Variants in CHRM3 observed in about 807,000 individuals in gnomAD.
CHRM3 encodes the protein muscarinic acetylcholine receptor M3.
Under a neutral mutation model 41.8 loss-of-function variants are expected in CHRM3, and 11 were observed. That is an observed-to-expected ratio of 0.26 (90% CI 0.17 to 0.44). CHRM3 has a LOEUF of 0.44. Ranked by LOEUF, CHRM3 falls within the 20% of genes least tolerant of loss-of-function variation. The probability of loss-of-function intolerance (pLI) is 1.00; values close to 1 mark genes in which losing one functional copy is unlikely to be tolerated. For missense variants in CHRM3, 571 were observed against 745.4 expected (o/e 0.77, Z 2.72); for synonymous variants, 297 against 301.4 (o/e 0.99, Z 0.15).
At chr1:239,424,844 G>T (rs1246479024) in intron 1 of CHRM3, among the ~76,000 whole-genome samples, 2 of 152,314 alleles carry the variant, frequency 1.3e-5, no homozygotes, top group East Asian at 1.9e-4. Flanking sequence ...ACATCCAGGA[G>T]TGCTGACTTT....
At chr1:239,564,063 A>G (rs1296589435) in intron 3 of CHRM3, among the ~76,000 whole-genome samples, 1 of 152,214 alleles carries the variant, frequency 6.6e-6, no homozygotes, top group Non-Finnish European at 1.5e-5. Context: ...CAATGTGTGT[A>G]TTTCTAACTT....
intron 1 of CHRM3, among the ~76,000 whole-genome samples, chr1:239,455,666 G>T (rs1013249469): frequency 2.6e-5 from 4 of 152,112 alleles, no homozygotes; most frequent in Non-Finnish European, 5.9e-5. Flanking sequence ...TTTTTGTGCA[G>T]TTGTATCATG....
rs115686732 is a variant in CHRM3 at position 239,466,391 on chromosome 1, A to T, written c.-520-26318A>T. 3.6e-3 allele frequency among the ~76,000 whole-genome samples: 549 copies of T among 152,266 alleles called. 2 individuals carry two copies. Among genetic ancestry groups the T allele is most frequent in the Middle Eastern group, 0.017 (5 of 294 alleles). ...TCTTAACTTACTGTAAGAATACAGTATATAGTACATATAACAAACAAAATA... is the reference window on the plus strand; with the variant it reads ...TCTTAACTTACTGTAAGAATACAGTTTATAGTACATATAACAAACAAAATA... On this transcript the variant is annotated intron_variant, in intron 1 of 6. Coordinates refer to ENST00000676153, the MANE Select transcript of CHRM3 (RefSeq NM_001375978.1).
At chr1:239,433,326 A>G (rs1662975008) in intron 1 of CHRM3, among the ~76,000 whole-genome samples, 1 of 152,036 alleles carries the variant, frequency 6.6e-6, no homozygotes, top group African/African-American at 2.4e-5. Context: ...ATGGAGCCTA[A>G]CTCCCCATAT....
intron 1 of CHRM3, among the ~76,000 whole-genome samples, chr1:239,393,831 A>T (rs960910292): frequency 1.3e-5 from 2 of 152,212 alleles, no homozygotes; most frequent in African/African-American, 4.8e-5. Flanking sequence ...ATTCTCTCCA[A>T]AGAAGTTACC....
intron 1 of CHRM3, among the ~76,000 whole-genome samples, chr1:239,443,495 G>A (rs947635684): frequency 6.6e-6 from 1 of 152,144 alleles, no homozygotes; most frequent in Non-Finnish European, 1.5e-5. Context: ...AAATGAAGTT[G>A]AAACTGCAGA....
chr1:239,435,244 GTTT>G lies in CHRM3; in HGVS notation c.-521+48018_-521+48020del, dbSNP rs1239088886. Among the ~76,000 whole-genome samples, 4 of 152,228 alleles carry G rather than the reference GTTT, an allele frequency of 2.6e-5. No homozygotes were observed. In the East Asian group the frequency reaches 7.8e-4, roughly 30 times the overall value. ...AGGCGGGCGGATCACGAGGTCAGGAGTTTGAGACCAGCCTGGCCAATATCATGA... is the reference window on the plus strand; with the variant it reads ...AGGCGGGCGGATCACGAGGTCAGGAGGAGACCAGCCTGGCCAATATCATGA... On this transcript the variant is annotated intron_variant, in intron 1 of 6. Transcript: ENST00000676153.
chr1:239,908,306 C>T lies in CHRM3; in HGVS notation c.855C>T (p.Gly285=), dbSNP rs749712214. The change falls in exon 7 of 7, where the codon GGC becomes GGT. Residue 285 remains glycine, a synonymous_variant. Coordinates refer to ENST00000676153, the MANE Select transcript of CHRM3 (RefSeq NM_001375978.1). This position sits in a 1 kb window ranked among gnomAD's most constrained non-coding sequence, Gnocchi z 7.2. ...AETENFVHPT[G]SSRSCSSYEL... is the part of the protein sequence containing the mutation. Reference sequence around the variant, plus strand: ...CAGAAAACTTTGTCCACCCCACGGGCAGTTCTCGAAGCTGCAGCAGTTACG... The same window carrying T: ...CAGAAAACTTTGTCCACCCCACGGGTAGTTCTCGAAGCTGCAGCAGTTACG... The T allele has an allele frequency of 7.4e-6, 12 of 1,614,038 alleles. No individual in the cohort carries two copies. Among genetic ancestry groups the T allele is most frequent in the African/African-American group, 1.3e-5 (1 of 74,918 alleles).
chr1:239,900,212 A>C lies in CHRM3; in HGVS notation c.-19-7221A>C, dbSNP rs74149274. On this transcript the variant is annotated intron_variant, in intron 6 of 6. Transcript: ENST00000676153. ...TAGGAATGATACCTTCTACTCAGAAAATCACCGTAAACTGAGGGCTCTTAG... is the reference window on the plus strand; with the variant it reads ...TAGGAATGATACCTTCTACTCAGAACATCACCGTAAACTGAGGGCTCTTAG... Among the ~76,000 whole-genome samples the C allele has an allele frequency of 3.2e-3, 495 of 152,312 alleles. 5 individuals are homozygous for C. Among genetic ancestry groups the C allele is most frequent in the African/African-American group, 0.011 (469 of 41,576 alleles).
chr1:239,855,607 T>C (rs116912225), intron 6 of CHRM3, among the ~76,000 whole-genome samples: 2 of 152,114 alleles, frequency 1.3e-5, no homozygotes, highest in East Asian at 3.9e-4. Flanking sequence ...CCAGAATGTA[T>C]TGACAGGTCA....
chr1:239,689,701 A>G (rs547885189), intron 5 of CHRM3, among the ~76,000 whole-genome samples: 2 of 152,190 alleles, frequency 1.3e-5, no homozygotes, highest in African/African-American at 2.4e-5. Context: ...TCTTTTAGGC[A>G]TTGATGCTAA....
intron 5 of CHRM3, among the ~76,000 whole-genome samples, chr1:239,804,979 T>C (rs1670515723): frequency 6.6e-6 from 1 of 152,184 alleles, no homozygotes; most frequent in South Asian, 2.1e-4. Context: ...CTCATTTCCA[T>C]CTCCTGTTCT....
chr1:239,458,238 C>G (rs1665098191), intron 1 of CHRM3, among the ~76,000 whole-genome samples: 1 of 152,000 alleles, frequency 6.6e-6, no homozygotes, highest in Non-Finnish European at 1.5e-5. Flanking sequence ...TTTAAAGTGA[C>G]AGAGGTAACC....
intron 3 of CHRM3, among the ~76,000 whole-genome samples, chr1:239,622,428 C>G (rs1225720138): frequency 6.6e-6 from 1 of 152,122 alleles, no homozygotes; most frequent in Non-Finnish European, 1.5e-5. Flanking sequence ...AAGGATTCAC[C>G]ATTCTAGATG....
intron 5 of CHRM3, among the ~76,000 whole-genome samples, chr1:239,816,205 C>T (rs962082216): frequency 1.3e-4 from 20 of 152,148 alleles, no homozygotes; most frequent in African/African-American, 4.1e-4. Flanking sequence ...GCAGAGAAGG[C>T]GGTGCTTTGC....
chr1:239,864,519 TAC>T (rs199613762), intron 6 of CHRM3, among the ~76,000 whole-genome samples: 4,393 of 148,038 alleles, frequency 0.03, 205 homozygotes, highest in African/African-American at 0.11. Flanking sequence ...AAACAGAAAA[TAC>T]ACACACACAC....
At chr1:239,864,204 A>G (rs1675884018) in intron 6 of CHRM3, among the ~76,000 whole-genome samples, 1 of 151,818 alleles carries the variant, frequency 6.6e-6, no homozygotes, top group Admixed American at 6.6e-5. Flanking sequence ...CACCAAAAAA[A>G]CTCTGAAAGG....
chr1:239,869,353 TG>T (rs66884659), intron 6 of CHRM3, among the ~76,000 whole-genome samples: 113,060 of 152,086 alleles, frequency 0.74, 46,658 homozygotes, highest in East Asian at 0.93. Flanking sequence ...AATCCAAGAA[TG>T]GTTTCCCACT....
At chr1:239,652,472 A>G (rs985740222) in intron 4 of CHRM3, among the ~76,000 whole-genome samples, 22 of 152,218 alleles carry the variant, frequency 1.4e-4, no homozygotes, top group African/African-American at 4.8e-4. Flanking sequence ...AGTTACATAT[A>G]AAGTGTTTAT....
Sources: allele counts gnomAD v4.1 joint callset (sites outside exome capture counted in the v4.1 genomes callset), GRCh38; gene constraint gnomAD v4.1.1; non-coding constraint Gnocchi (gnomAD v3.1); transcripts MANE v1.5; gene names NCBI Gene and HGNC (gene_info 2026-07-23, HGNC 2026-07-21).